USP12: variants seen among roughly 807,000 people sequenced by gnomAD.
The protein encoded by USP12 is ubiquitin specific peptidase 12.
In USP12, 19 loss-of-function variants were observed where a neutral mutation model predicts 45.5. The observed-to-expected ratio is 0.42, with a 90% confidence interval of 0.29 to 0.61. The LOEUF (loss-of-function observed/expected upper bound fraction) is 0.61. Among genes scored for constraint, USP12 ranks in the 20% least tolerant of loss-of-function variants. The pLI, the probability that USP12 is intolerant of heterozygous loss-of-function variation, is 0.22. For missense variants in USP12, 242 were observed against 447.7 expected, an observed-to-expected ratio of 0.54 and a Z score of 4.15; for synonymous variants, 149 against 148.8, an observed-to-expected ratio of 1.00 and a Z score of -0.01.
At chr13:27,080,286 T>G (rs781560839) in intron 6 of USP12, among the ~76,000 whole-genome samples, 9 of 152,174 alleles carry the variant, frequency 5.9e-5, no homozygotes, top group Non-Finnish European at 1.2e-4. Context: ...CAAATCCCTA[T>G]TGCTGATATG....
chr13:27,105,334 T>C (rs1321594302), intron 3 of USP12, among the ~76,000 whole-genome samples: 1 of 152,114 alleles, frequency 6.6e-6, no homozygotes, highest in African/African-American at 2.4e-5. Context: ...ACATGCTCTC[T>C]ATCTAAGGCT....
At chr13:27,072,025 T>C (rs1001262607) in intron 7 of USP12, among the ~76,000 whole-genome samples, 3 of 152,176 alleles carry the variant, frequency 2.0e-5, no homozygotes, top group Admixed American at 6.5e-5. Context: ...CCACCTACTA[T>C]AATATCTTAT....
intron 4 of USP12, among the ~76,000 whole-genome samples, chr13:27,093,159 T>C (rs1209443108): frequency 6.6e-6 from 1 of 151,174 alleles, no homozygotes; most frequent in East Asian, 1.9e-4. Flanking sequence ...CGCTCCAGCC[T>C]GGGCAACGAG....
chr13:27,160,898 C>T (rs1307834314), intron 1 of USP12, among the ~76,000 whole-genome samples: 2 of 151,976 alleles, frequency 1.3e-5, no homozygotes, highest in Admixed American at 6.6e-5. Context: ...ACCCATCTCC[C>T]CGGGTTAAGC....
At chr13:27,145,317 C>T (rs1877263404) in intron 1 of USP12, among the ~76,000 whole-genome samples, 1 of 152,148 alleles carries the variant, frequency 6.6e-6, no homozygotes, top group Admixed American at 6.5e-5. Flanking sequence ...TAATGTTGAA[C>T]TATAGTAACA....
chr13:27,170,107 T>C, intron 1 of USP12: 1 of 389,276 alleles, frequency 2.6e-6, no homozygotes, highest in Non-Finnish European at 4.5e-6. Context: ...AAAATCATTT[T>C]AATATAGTCC....
At chr13:27,107,161 C>T (rs1317575198) in intron 2 of USP12, among the ~76,000 whole-genome samples, 3 of 152,070 alleles carry the variant, frequency 2.0e-5, no homozygotes, top group Non-Finnish European at 4.4e-5. Context: ...CCCATCTCTA[C>T]TAAAAATACA....
chr13:27,093,377 A>G (rs898317148), intron 4 of USP12, among the ~76,000 whole-genome samples: 1 of 152,206 alleles, frequency 6.6e-6, no homozygotes, highest in Non-Finnish European at 1.5e-5. Flanking sequence ...AATGGACAAA[A>G]GATCTGGACA....
chr13:27,130,528 T>TCACACA (rs1196658156), intron 1 of USP12, among the ~76,000 whole-genome samples: 1 of 135,220 alleles, frequency 7.4e-6, no homozygotes, highest in African/African-American at 2.9e-5. Flanking sequence ...TGTTCAGTTC[T>TCACACA]CACACACACA....
intron 2 of USP12, among the ~76,000 whole-genome samples, chr13:27,107,725 T>A (rs376658368): frequency 7.9e-5 from 12 of 152,270 alleles, no homozygotes; most frequent in African/African-American, 2.9e-4. Flanking sequence ...CGATAAGAAA[T>A]GTACAATGTG....
intron 1 of USP12, among the ~76,000 whole-genome samples, chr13:27,132,376 G>A (rs1406988988): frequency 1.3e-5 from 2 of 151,932 alleles, no homozygotes; most frequent in Non-Finnish European, 2.9e-5. Flanking sequence ...AAAATGTATA[G>A]GTTACTAGCA....
At chr13:27,093,557 T>C (rs1264864787) in intron 4 of USP12, among the ~76,000 whole-genome samples, 2 of 152,184 alleles carry the variant, frequency 1.3e-5, no homozygotes, top group African/African-American at 4.8e-5. Context: ...ACAAGAACTC[T>C]CATTCACTGC....
At chr13:27,110,127 T>TAA (rs1555234986) in intron 2 of USP12, among the ~76,000 whole-genome samples, 11 of 119,630 alleles carry the variant, frequency 9.2e-5, no homozygotes, top group South Asian at 8.8e-4. Flanking sequence ...CTTTTCCAGG[T>TAA]AAAAAAAAAA....
intron 1 of USP12, among the ~76,000 whole-genome samples, chr13:27,146,294 C>T (rs1394821320): frequency 1.3e-5 from 2 of 151,946 alleles, no homozygotes; most frequent in Non-Finnish European, 1.5e-5. Context: ...CCCAGCTACT[C>T]GGGAGACTGA....
chr13:27,086,311 T>A (rs1207363518), intron 6 of USP12, among the ~76,000 whole-genome samples: 1 of 116,628 alleles, frequency 8.6e-6, no homozygotes, highest in East Asian at 2.6e-4. Flanking sequence ...ACACACACAA[T>A]GCAGCACCTC....
intron 1 of USP12, among the ~76,000 whole-genome samples, chr13:27,159,387 G>A (rs1342137123): frequency 6.6e-6 from 1 of 152,160 alleles, no homozygotes; most frequent in East Asian, 1.9e-4. Flanking sequence ...AAAAATGTCA[G>A]GAAGAAAATA....
At chr13:27,078,515 T>C (rs895725853) in intron 6 of USP12, among the ~76,000 whole-genome samples, 2 of 152,134 alleles carry the variant, frequency 1.3e-5, no homozygotes, top group African/African-American at 4.8e-5. Flanking sequence ...GGGTTGCCTT[T>C]CTTGATAATG....
chr13:27,072,401 G>A (rs544987862), intron 7 of USP12, among the ~76,000 whole-genome samples: 1 of 152,280 alleles, frequency 6.6e-6, no homozygotes, highest in South Asian at 2.1e-4. Context: ...GTAGACAAAA[G>A]TTAATTTCAT....
At chr13:27,104,823 C>T (rs1875051136) in intron 3 of USP12, among the ~76,000 whole-genome samples, 1 of 152,194 alleles carries the variant, frequency 6.6e-6, no homozygotes, top group South Asian at 2.1e-4. Context: ...TAATGACTTC[C>T]CAAATCCTGC....
Sources: allele counts gnomAD v4.1 joint callset (sites outside exome capture counted in the v4.1 genomes callset), GRCh38; gene constraint gnomAD v4.1.1; transcripts MANE v1.5; gene names NCBI Gene and HGNC (gene_info 2026-07-23, HGNC 2026-07-21).